Variants in JRK observed in about 807,000 individuals in gnomAD.
The protein encoded by JRK is jerky protein homolog.
For synonymous variants in JRK, 303 were observed against 218.1 expected (o/e 1.39, Z -3.43); for missense variants, 720 against 509.2 (o/e 1.41, Z -3.98).
intron 1 of JRK, among the ~76,000 whole-genome samples, chr8:142,669,479 C>T (rs1293852271): frequency 2.0e-5 from 3 of 152,094 alleles, no homozygotes; most frequent in Non-Finnish European, 4.4e-5. Flanking sequence ...CCAGGGTCCC[C>T]GTTTGTGGGT....
At position 142,664,820 on chromosome 8, in the gene JRK, C is replaced by T. The variant is rs1563794840; in HGVS notation, c.1239G>A (p.Lys413=). The T allele has an allele frequency of 6.3e-7, 1 of 1,599,104 alleles. No individual in the cohort carries two copies. The highest frequency in any genetic ancestry group is 1.1e-5 in the South Asian group (1 of 89,074). ...CAAGCTCCAGGATGTGTGCAAAGGA[C>T]TTGTTGTGGGGCTTCACTGGGAAGC... ...AECFPVKPHN[K]SFAHILELVK... is the part of the protein sequence containing the mutation. Residue 413 remains lysine, a synonymous_variant, in exon 2 of 2, where the codon AAG becomes AAA. Coordinates refer to ENST00000612905, the MANE Select transcript of JRK (RefSeq NM_003724.4).
At chr8:142,652,667 G>A (rs1846687846), downstream of JRK, among the ~76,000 whole-genome samples, 1 of 152,172 alleles carries the variant, frequency 6.6e-6, no homozygotes, top group African/African-American at 2.4e-5. Flanking sequence ...GCTGATTTAA[G>A]TAATAACTGC....
At chr8:142,656,356 G>C (rs1846752094), downstream of JRK, among the ~76,000 whole-genome samples, 1 of 152,178 alleles carries the variant, frequency 6.6e-6, no homozygotes, top group African/African-American at 2.4e-5. Context: ...GCACAGCCTA[G>C]GTTATGCCCT....
chr8:142,660,516 C>T lies in JRK; in HGVS notation c.*3836G>A, dbSNP rs959989297. The T allele has an allele frequency of 5.0e-6, 4 of 807,692 alleles. No homozygotes were observed. Among genetic ancestry groups the T allele is most frequent in the African/African-American group, 1.9e-5 (1 of 53,440 alleles). 50.0% of individuals were successfully genotyped at this position (807,692 alleles called of 1,614,324 possible). A position where few individuals can be genotyped will look rare whatever the true frequency, so the allele number is the denominator to read the frequency against. On this transcript the variant is annotated 3_prime_UTR_variant, in exon 2 of 2. Transcript: ENST00000612905. ...CCTGGGCTTGGGGATCCTCCCGCCT[C>T]GGCCTCCTGAGTAGCTGGGGTTACA...
rs1350268264 is a variant in JRK, at chr8:142,661,653, C to CT, written c.*2698dup. On this transcript the variant is annotated 3_prime_UTR_variant, in exon 2 of 2. Coordinates refer to ENST00000612905, the MANE Select transcript of JRK (RefSeq NM_003724.4). Reference sequence around the variant, plus strand: ...GGAGGCATTTAAACAGGACCAGAGACTTTCTCGCTCTGCTCTGGCAAGCTC... The same window carrying CT: ...GGAGGCATTTAAACAGGACCAGAGACTTTTCTCGCTCTGCTCTGGCAAGCTC... The CT allele has an allele frequency of 3.9e-5, 38 of 985,386 alleles. 1 individual carries two copies. The South Asian group carries it at 1.7e-3, about 44-fold the overall frequency. The allele number at this position is 985,386 out of a possible 1,614,324, so 61.0% of individuals were successfully genotyped here.
chr8:142,666,780 G>A (rs1255721878), intron 1 of JRK, among the ~76,000 whole-genome samples: 8 of 152,318 alleles, frequency 5.3e-5, no homozygotes, highest in South Asian at 4.1e-4. Flanking sequence ...GGCTGGAAAC[G>A]AGACGTGGCT....
Position 142,659,503 on chromosome 8 carries a change from G to T in JRK, c.*4849C>A. ...CCGTGCTGACAGGCTCTCTGCGATA[G>T]GGCCCAGCCATGGCCAGTGGGCCTC... is the stretch of plus-strand genomic sequence containing the variant. On this transcript the variant is annotated 3_prime_UTR_variant, in exon 2 of 2. Coordinates refer to ENST00000612905, the MANE Select transcript of JRK (RefSeq NM_003724.4). 1.0e-6 allele frequency: 1 copy of T among 986,200 alleles called. No individual in the cohort carries two copies. Among genetic ancestry groups the T allele is most frequent in the Non-Finnish European group, 1.2e-6 (1 of 830,434 alleles). The allele number at this position is 986,200 out of a possible 1,614,324, so 61.1% of individuals were successfully genotyped here. A position where few individuals can be genotyped will look rare whatever the true frequency, so the allele number is the denominator to read the frequency against.
rs1554635690 is a variant in JRK, at chr8:142,665,430, T to C, written c.629A>G (p.Lys210Arg). 4 of 717,864 alleles carry C rather than the reference T, an allele frequency of 5.6e-6. No individual in the cohort carries two copies. Among genetic ancestry groups the C allele is most frequent in the East Asian group, 5.4e-5 (2 of 37,282 alleles). 44.5% of individuals were successfully genotyped at this position (717,864 alleles called of 1,614,324 possible). Residue 210 changes from lysine (K) to arginine (R), a missense_variant, in exon 2 of 2, where the codon AAG becomes AGG. Transcript: ENST00000612905. ...TPEGGAVPGP[K>R]QGKDRLTVLM... ...CACGGTCAGCCGGTCCTTGCCCTGC[T>C]TGGGGCCAGGCACAGCCCCGCCTTC...
In JRK at chr8:142,658,890, G is replaced by A; in HGVS notation, c.*5462C>T. On this transcript the variant is annotated 3_prime_UTR_variant, in exon 2 of 2. Coordinates refer to ENST00000612905, the MANE Select transcript of JRK (RefSeq NM_003724.4). ...GTAGAGGCCTCCAGGCAGCACTTAGGAATTGCCAACTCCTCTGGTGAGGTC... is the reference window on the plus strand; with the variant it reads ...GTAGAGGCCTCCAGGCAGCACTTAGAAATTGCCAACTCCTCTGGTGAGGTC... The A allele has an allele frequency of 6.2e-7, 1 of 1,613,638 alleles. No individual in the cohort carries two copies. Among genetic ancestry groups the A allele is most frequent in the Non-Finnish European group, 8.5e-7 (1 of 1,179,782 alleles).
chr8:142,666,137 C>T lies in JRK; in HGVS notation c.-79G>A. 6.5e-7 allele frequency: 1 copy of T among 1,549,234 alleles called. No homozygotes were observed. Among genetic ancestry groups the T allele is most frequent in the Admixed American group, 2.0e-5 (1 of 51,094 alleles). On this transcript the variant is annotated 5_prime_UTR_variant, in exon 2 of 2. Transcript: ENST00000612905. ...CTGCCACTACTTCCCTCTCCTCCTGCTCCCCTTCTGGGGCTCCGTCTCTCC... is the reference window on the plus strand; with the variant it reads ...CTGCCACTACTTCCCTCTCCTCCTGTTCCCCTTCTGGGGCTCCGTCTCTCC...
In JRK at chr8:142,659,057, G is replaced by A. The variant is rs587763216; in HGVS notation, c.*5295C>T. 1.4e-6 allele frequency: 2 copies of A among 1,444,940 alleles called. No individual in the cohort carries two copies. The highest frequency in any genetic ancestry group is 2.6e-5 in the East Asian group (1 of 38,948). The allele number at this position is 1,444,940 out of a possible 1,614,324, so 89.5% of individuals were successfully genotyped here. A position where few individuals can be genotyped will look rare whatever the true frequency, so the allele number is the denominator to read the frequency against. ...ATGGTGGAGGAAGAATGGATTCCTA[G>A]TGTATTTTTTCTCTTCAGAACTGAC... On this transcript the variant is annotated 3_prime_UTR_variant, in exon 2 of 2. Transcript: ENST00000612905.
rs1425220630 is a variant in JRK, at chr8:142,659,475, T to C, written c.*4877A>G. 1 of 986,332 alleles carries C rather than the reference T, an allele frequency of 1.0e-6. No individual in the cohort carries two copies. Among genetic ancestry groups the C allele is most frequent in the Non-Finnish European group, 1.2e-6 (1 of 830,622 alleles). The allele number at this position is 986,332 out of a possible 1,614,324, so 61.1% of individuals were successfully genotyped here. A position where few individuals can be genotyped will look rare whatever the true frequency, so the allele number is the denominator to read the frequency against. ...TTCCCAGCCAGCCTGGGTGTGGAAA[T>C]GGCCGTGCTGACAGGCTCTCTGCGA... On this transcript the variant is annotated 3_prime_UTR_variant, in exon 2 of 2. Transcript: ENST00000612905.
In JRK at chr8:142,664,716, T is replaced by C; in HGVS notation, c.1343A>G (p.Glu448Gly). The C allele has an allele frequency of 3.1e-6, 5 of 1,605,660 alleles. No homozygotes were observed. Among genetic ancestry groups the C allele is most frequent in the Middle Eastern group, 1.7e-4 (1 of 6,058 alleles). ...CGTGGCAGCAGGGGGCCGTCCCCCT[T>C]CTGCCTCCCTTCCCGCTACCCCCCA... ...ASWGVAGREA[E>G]GGRPPAATSP... Residue 448 changes from glutamate (E) to glycine (G), a missense_variant, in exon 2 of 2, where the codon GAA (glutamate) becomes GGA (glycine). Transcript: ENST00000612905.
At position 142,663,510 on chromosome 8, in the gene JRK, G is replaced by T; in HGVS notation, c.*842C>A. ...TCTGATCAAGACGTATTCATGTAAA[G>T]GCCATAAGTATGAAATTCTGGGCAA... On this transcript the variant is annotated 3_prime_UTR_variant, in exon 2 of 2. Transcript: ENST00000612905. 1 of 985,494 alleles carries T rather than the reference G, an allele frequency of 1.0e-6. No individual in the cohort carries two copies. Among genetic ancestry groups the T allele is most frequent in the Non-Finnish European group, 1.2e-6 (1 of 829,962 alleles). 61.0% of individuals were successfully genotyped at this position (985,494 alleles called of 1,614,324 possible). A position where few individuals can be genotyped will look rare whatever the true frequency, so the allele number is the denominator to read the frequency against.
Position 142,660,832 on chromosome 8 carries a change from C to G in JRK, c.*3520G>C. On this transcript the variant is annotated 3_prime_UTR_variant, in exon 2 of 2. Transcript: ENST00000612905. ...CAAGAATGGATGCAGTCTACACCTTCTGCAAACCCCTGCCTCAAACCGTGT... is the reference window on the plus strand; with the variant it reads ...CAAGAATGGATGCAGTCTACACCTTGTGCAAACCCCTGCCTCAAACCGTGT... The G allele has an allele frequency of 6.1e-6, 6 of 985,648 alleles. No homozygotes were observed. The highest frequency in any genetic ancestry group is 7.2e-6 in the Non-Finnish European group (6 of 830,122). The allele number at this position is 985,648 out of a possible 1,614,324, so 61.1% of individuals were successfully genotyped here. A position where few individuals can be genotyped will look rare whatever the true frequency, so the allele number is the denominator to read the frequency against.
rs1399777553 is a variant in JRK, at chr8:142,665,270, G to A, written c.789C>T (p.Asp263=). The A allele has an allele frequency of 8.4e-6, 6 of 717,864 alleles. No individual in the cohort carries two copies. Among genetic ancestry groups the A allele is most frequent in the Admixed American group, 6.0e-5 (3 of 50,018 alleles). The allele number at this position is 717,864 out of a possible 1,614,324, so 44.5% of individuals were successfully genotyped here. ...AYKAQGNAWV[D]KEIFSDWFHH... ...GGAACCAATCGGAAAAAATCTCCTT[G>A]TCCACCCAGGCGTTCCCCTGGGCCT... The change falls in exon 2 of 2, where the codon GAC becomes GAT. Residue 263 remains aspartate, a synonymous_variant. Transcript: ENST00000612905.
intron 1 of JRK, among the ~76,000 whole-genome samples, 158 bp downstream of exon 1, chr8:142,669,774 C>G (rs1847267217): frequency 6.7e-6 from 1 of 148,584 alleles, no homozygotes; most frequent in Non-Finnish European, 1.5e-5. Flanking sequence ...TGGGTCCGGC[C>G]CCGCAGCCTC....
At chr8:142,669,726 G>A (rs1386146025) in intron 1 of JRK, among the ~76,000 whole-genome samples, 1 of 150,368 alleles carries the variant, frequency 6.7e-6, no homozygotes, top group African/African-American at 2.4e-5. Context: ...TTCGGGTTCC[G>A]AGCGCGGCTC....
rs192430225 is a variant in JRK at position 142,665,788 on chromosome 8, G to C, written c.271C>G (p.Arg91Gly). The change falls in exon 2 of 2, where the codon CGC (arginine) becomes GGC (glycine). Residue 91 changes from arginine (R) to glycine (G), a missense_variant. By Grantham distance (125) the Arg-to-Gly change is moderately radical. Transcript: ENST00000612905. ...CCCAGGAACCACTCGTACAGGACGC[G>C]GTCCAGGTGCTCCAGCTTGGGCGTG... ...LHTPKLEHLDRVLYEWFLGKR... is the reference protein window; with the variant it reads ...LHTPKLEHLDGVLYEWFLGKR... 2 of 778,362 alleles carry C rather than the reference G, an allele frequency of 2.6e-6. No individual in the cohort carries two copies. The highest frequency in any genetic ancestry group is 1.3e-5 in the South Asian group (1 of 74,358). 48.2% of individuals were successfully genotyped at this position (778,362 alleles called of 1,614,324 possible).
Sources: gnomAD v4.1 joint callset for allele counts (sites outside exome capture counted in the v4.1 genomes callset) on GRCh38, gnomAD v4.1.1 for gene constraint, MANE v1.5 for transcripts, NCBI Gene and HGNC (gene_info 2026-07-23, HGNC 2026-07-21) for gene names.